The following RIT2 variants were observed in gnomAD, a reference collection of about 807,000 sequenced individuals.
RIT2 encodes the protein GTP-binding protein Rit2.
In RIT2, 24 loss-of-function variants were observed where a neutral mutation model predicts 23.7. That is an observed-to-expected ratio of 1.01 (90% CI 0.73 to 1.43). RIT2 has a LOEUF of 1.43. Ranked by LOEUF, RIT2 falls within the 40% of genes most tolerant of loss-of-function variation. The pLI is 0.00. For synonymous variants in RIT2, 107 were observed against 91.1 expected (o/e 1.17, Z -0.99); for missense variants, 236 against 266.9 (o/e 0.88, Z 0.81).
chr18:42,992,797 T>C (rs1289473247), intron 2 of RIT2, among the ~76,000 whole-genome samples: 1 of 152,124 alleles, frequency 6.6e-6, no homozygotes, highest in South Asian at 2.1e-4. Flanking sequence ...TCATCAAATA[T>C]AAAAACCCAG....
chr18:42,979,580 T>A (rs1568045520), intron 2 of RIT2, among the ~76,000 whole-genome samples: 1 of 152,170 alleles, frequency 6.6e-6, no homozygotes, highest in Non-Finnish European at 1.5e-5. Context: ...TCATCTCAAT[T>A]GTAGGTACAT....
chr18:42,744,232 C>T (rs1464202690), intron 4 of RIT2, among the ~76,000 whole-genome samples: 1 of 152,146 alleles, frequency 6.6e-6, no homozygotes, highest in Non-Finnish European at 1.5e-5. Context: ...CCGCCTGCAC[C>T]CAGGTGATTA....
rs779100391 is a variant in RIT2 at position 42,987,941 on chromosome 18, T to TG, written c.161-13795_161-13794insC. 5.9e-5 allele frequency among the ~76,000 whole-genome samples: 9 copies of TG among 152,116 alleles called. No homozygotes were observed. In the East Asian group the frequency reaches 9.6e-4, roughly 16 times the overall value. On this transcript the variant is annotated intron_variant, in intron 2 of 4. Transcript: ENST00000326695. The stretch of plus-strand genomic sequence containing the variant: ...GAACCATGAGAGTAGTACCAAGCCA[T>TG]TTATAAGGGATCCACCCGCATGACC...
intron 3 of RIT2, among the ~76,000 whole-genome samples, chr18:42,942,733 A>G (rs1047456651): frequency 6.6e-6 from 1 of 152,086 alleles, no homozygotes; most frequent in Non-Finnish European, 1.5e-5. Flanking sequence ...GTTAGTCCAC[A>G]GTGGGTTCCC....
At chr18:43,013,272 G>C (rs1445292444) in intron 2 of RIT2, among the ~76,000 whole-genome samples, 1 of 151,712 alleles carries the variant, frequency 6.6e-6, no homozygotes, top group African/African-American at 2.4e-5. Flanking sequence ...AACCACAATG[G>C]TTTATTTTTT....
At chr18:43,046,008 G>T (rs182124941) in intron 1 of RIT2, among the ~76,000 whole-genome samples, 217 of 152,080 alleles carry the variant, frequency 1.4e-3, no homozygotes, top group African/African-American at 5.0e-3. Context: ...TATTTTAACT[G>T]TATTTTTCTT....
intron 4 of RIT2, among the ~76,000 whole-genome samples, chr18:42,883,988 C>T (rs948604798): frequency 6.6e-6 from 1 of 152,130 alleles, no homozygotes; most frequent in African/African-American, 2.4e-5. Context: ...AAAACATTTG[C>T]AAGCCAATAA....
intron 4 of RIT2, among the ~76,000 whole-genome samples, chr18:42,832,856 C>T (rs1906497567): frequency 6.6e-6 from 1 of 151,788 alleles, no homozygotes; most frequent in South Asian, 2.1e-4. Context: ...AGTTCGAGAC[C>T]AGCCTGGCCA....
At chr18:42,983,980 T>C (rs1367980597) in intron 2 of RIT2, among the ~76,000 whole-genome samples, 1 of 152,048 alleles carries the variant, frequency 6.6e-6, no homozygotes, top group Non-Finnish European at 1.5e-5. Flanking sequence ...TAATCATGCA[T>C]GTATCATACA....
At chr18:42,945,558 G>A (rs1166407585) in intron 3 of RIT2, among the ~76,000 whole-genome samples, 1 of 152,152 alleles carries the variant, frequency 6.6e-6, no homozygotes, top group Non-Finnish European at 1.5e-5. Flanking sequence ...TATGGGTGGT[G>A]TTGTTGAGTG....
intron 3 of RIT2, among the ~76,000 whole-genome samples, chr18:42,947,981 G>T (rs766024010): frequency 6.6e-6 from 1 of 152,110 alleles, no homozygotes; most frequent in Middle Eastern, 3.4e-3. Context: ...ATCTATGTAT[G>T]TATCTATATG....
At chr18:42,963,927 C>T (rs1305503923) in intron 3 of RIT2, among the ~76,000 whole-genome samples, 2 of 151,284 alleles carry the variant, frequency 1.3e-5, no homozygotes, top group African/African-American at 4.9e-5. Flanking sequence ...CATGATGACT[C>T]ACACCTGTGA....
chr18:42,996,707 G>T (rs184393649), intron 2 of RIT2, among the ~76,000 whole-genome samples: 5 of 150,858 alleles, frequency 3.3e-5, no homozygotes, highest in African/African-American at 4.9e-5. Flanking sequence ...ATCTCCCTTC[G>T]CTGACTCTTT....
intron 4 of RIT2, among the ~76,000 whole-genome samples, chr18:42,884,169 T>C (rs896305681): frequency 2.6e-5 from 4 of 152,152 alleles, no homozygotes; most frequent in Admixed American, 2.0e-4. Context: ...AAGATGTGAG[T>C]AACCCAGGAA....
chr18:42,827,368 A>C (rs138637516), intron 4 of RIT2, among the ~76,000 whole-genome samples: 2 of 152,334 alleles, frequency 1.3e-5, no homozygotes, highest in Non-Finnish European at 2.9e-5. Context: ...TAGGAAATAT[A>C]AAAAAGACTG....
intron 3 of RIT2, among the ~76,000 whole-genome samples, chr18:42,940,986 C>T (rs976236828): frequency 3.9e-5 from 6 of 152,078 alleles, no homozygotes; most frequent in African/African-American, 1.4e-4. Context: ...TAGTTGATAT[C>T]TTGGAAAATT....
chr18:42,900,675 A>G (rs941240964), intron 4 of RIT2, among the ~76,000 whole-genome samples: 13 of 152,094 alleles, frequency 8.5e-5, no homozygotes, highest in Non-Finnish European at 8.8e-5. Flanking sequence ...CTTTTCATTA[A>G]TATCAGTGTT....
At chr18:42,916,882 A>T (rs1280348996) in intron 4 of RIT2, among the ~76,000 whole-genome samples, 1 of 152,154 alleles carries the variant, frequency 6.6e-6, no homozygotes, top group Non-Finnish European at 1.5e-5. Context: ...AGAAGGAAGC[A>T]GGGTTGAGCA....
intron 4 of RIT2, among the ~76,000 whole-genome samples, chr18:42,779,404 C>T (rs967441285): frequency 2.6e-5 from 4 of 152,166 alleles, no homozygotes; most frequent in African/African-American, 9.7e-5. Context: ...AACCTGATCA[C>T]ATGGAGAAAA....
Sources: allele counts gnomAD v4.1 joint callset (sites outside exome capture counted in the v4.1 genomes callset), GRCh38; gene constraint gnomAD v4.1.1; transcripts MANE v1.5; gene names NCBI Gene and HGNC (gene_info 2026-07-23, HGNC 2026-07-21).